ATP8B3: variants seen among roughly 807,000 people sequenced by gnomAD.
The protein encoded by ATP8B3 is ATPase phospholipid transporting 8B3.
ATP8B3 carries 141 observed loss-of-function variants against 140.9 expected under a neutral mutation model. That is an observed-to-expected ratio of 1.00 (90% confidence interval 0.87 to 1.15). ATP8B3 has a LOEUF of 1.15. Ranked by LOEUF, ATP8B3 falls within the 50% of genes most tolerant of loss-of-function variation. The probability of loss-of-function intolerance (pLI) is 0.00; values close to 1 mark genes in which losing one functional copy is unlikely to be tolerated. For synonymous variants in ATP8B3, 765 were observed against 714.6 expected, an observed-to-expected ratio of 1.07 and a Z score of -1.13; for missense variants, 1,874 against 1,740.6, an observed-to-expected ratio of 1.08 and a Z score of -1.36.
Position 1,806,959 on chromosome 19 carries a change from C to G in ATP8B3, c.615+209G>C, listed in dbSNP as rs1249872116. 3.3e-5 allele frequency among the ~76,000 whole-genome samples: 5 copies of G among 152,162 alleles called. No homozygotes were observed. In the South Asian group the frequency reaches 1.0e-3, roughly 31 times the overall value. ...AGCTCAATGGCCCCAAAACCACGCA[C>G]CGACAGAGCCAACGCCACCTGCGGC... is the stretch of plus-strand genomic sequence containing the variant. On this transcript the variant is annotated intron_variant, in intron 6 of 28. Transcript: ENST00000310127. This position sits in a 1 kb window ranked among gnomAD's most constrained non-coding sequence, Gnocchi z 5.6.
At chr19:1,784,275 G>C (rs1439325632) in intron 28 of ATP8B3, among the ~76,000 whole-genome samples, 2 of 152,142 alleles carry the variant, frequency 1.3e-5, no homozygotes, top group Non-Finnish European at 2.9e-5. Flanking sequence ...AACATGTTAT[G>C]AGGCCAAGGC....
intron 28 of ATP8B3, among the ~76,000 whole-genome samples, chr19:1,783,798 C>T (rs769033815): frequency 6.6e-6 from 1 of 152,196 alleles, no homozygotes; most frequent in Admixed American, 6.5e-5. Context: ...CTGCAACTTG[C>T]TTTTCCATGC....
At chr19:1,809,755 G>T in intron 3 of ATP8B3, 21 bp from the exon 4 acceptor site, 1 of 1,588,852 alleles carries the variant, frequency 6.3e-7, no homozygotes, top group Non-Finnish European at 8.6e-7. Flanking sequence ...AGAGCCGGGC[G>T]TCGCTGGAGC....
Position 1,783,139 on chromosome 19 carries a change from G to A in ATP8B3, c.3792C>T (p.Ile1264=), listed in dbSNP as rs2068205200. ...CCCTCCGCAGAATTGTGCCCTGAGT[G>A]ATGAGGTTTGCATATCCCTCACGGT... The part of the protein sequence containing the change: ...FSHREGYANL[I]TQGTILRRGP... The change falls in exon 29 of 29, where the codon ATC becomes ATT. Residue 1264 remains isoleucine, a synonymous_variant. Transcript: ENST00000310127. 2 of 1,613,754 alleles carry A rather than the reference G, an allele frequency of 1.2e-6. No homozygotes were observed. Among genetic ancestry groups the A allele is most frequent in the Non-Finnish European group, 8.5e-7 (1 of 1,179,828 alleles).
chr19:1,789,859 G>C lies in ATP8B3; in HGVS notation c.2478+31C>G, dbSNP rs776153876. ...CCTCCAGGCCCCTCCCTGGCGCCGG[G>C]ACCCCGCCGTCCACCCTGAGCGACA... On this transcript the variant is annotated intron_variant, in intron 22 of 28. Transcript: ENST00000310127. 3.1e-6 allele frequency: 5 copies of C among 1,607,398 alleles called. No homozygotes were observed. In the Admixed American group the frequency reaches 8.4e-5, roughly 27 times the overall value.
At chr19:1,811,100 C>A (rs1474276362) in intron 2 of ATP8B3, among the ~76,000 whole-genome samples, 1 of 152,220 alleles carries the variant, frequency 6.6e-6, no homozygotes, top group African/African-American at 2.4e-5. Flanking sequence ...CTGCCCCTCT[C>A]CCCATGTGGC....
At chr19:1,802,407 A>ATC in intron 11 of ATP8B3, 80 bp downstream of exon 11, 9 of 318,098 alleles carry the variant, frequency 2.8e-5, no homozygotes, top group Admixed American at 4.3e-5. Context: ...CCACCCACCT[A>ATC]CCCACCCACC....
Position 1,806,145 on chromosome 19 carries a change from A to C in ATP8B3, c.702T>G (p.Asp234Glu). Residue 234 changes from aspartate to glutamate, a missense_variant, in exon 8 of 29, where the codon GAT becomes GAG. Asp to Glu is a conservative substitution (Grantham distance 45). Coordinates refer to ENST00000310127, the MANE Select transcript of ATP8B3 (RefSeq NM_138813.4). This position sits in a 1 kb window ranked among gnomAD's most constrained non-coding sequence, Gnocchi z 5.6. ...GKSFKQKKWQ[D>E]LCVGDVVCLR... ...GACAGACCACATCCCCCACGCACAG[A>C]TCCTGCCATTTCTTCTGCTTGAAGC... 1.3e-6 allele frequency: 2 copies of C among 1,598,798 alleles called. No individual in the cohort carries two copies. The highest frequency in any genetic ancestry group is 2.7e-5 in the African/African-American group (2 of 74,016).
Position 1,806,197 on chromosome 19 carries a change from G to T in ATP8B3, c.678-28C>A. The T allele has an allele frequency of 1.3e-6, 2 of 1,564,980 alleles. No homozygotes were observed. The highest frequency in any genetic ancestry group is 4.8e-5 in the East Asian group (2 of 41,974). ...GCGGGGAGAGGGGGTTGTGAAGGAG[G>T]CCCCTCCCTCTGCCAACCCTCCCCA... On this transcript the variant is annotated intron_variant, in intron 7 of 28. Coordinates refer to ENST00000310127, the MANE Select transcript of ATP8B3 (RefSeq NM_138813.4). This position sits in a 1 kb window ranked among gnomAD's most constrained non-coding sequence, Gnocchi z 5.6.
At chr19:1,797,468 TTTTATTTATTTATTTATTTATTTA>T (rs5826746) in intron 14 of ATP8B3, among the ~76,000 whole-genome samples, 26 of 142,536 alleles carry the variant, frequency 1.8e-4, no homozygotes, top group African/African-American at 5.4e-4. Flanking sequence ...TCTTTTTTAT[TTTTATTTATTTATTTATTTATTTA>T]TTTATTTATT....
chr19:1,792,558 C>T (rs566449627), intron 18 of ATP8B3, among the ~76,000 whole-genome samples: 223 of 121,806 alleles, frequency 1.8e-3, no homozygotes, highest in African/African-American at 6.3e-3. Context: ...CCAGCCTGGG[C>T]GACAAAGTGA....
In ATP8B3 at chr19:1,805,667, A is replaced by T. The variant is rs1308978294; in HGVS notation, c.822-211T>A. Among the ~76,000 whole-genome samples, 1 of 150,038 alleles carries T rather than the reference A, an allele frequency of 6.7e-6. No individual in the cohort carries two copies. Among genetic ancestry groups the T allele is most frequent in the East Asian group, 1.9e-4 (1 of 5,198 alleles). ...GTGCTGAGGCCAGGGCCTAGGGCCT[A>T]GGGCCTCCTGCCCGTATGCACACAA... On this transcript the variant is annotated intron_variant, in intron 9 of 28. Coordinates refer to ENST00000310127, the MANE Select transcript of ATP8B3 (RefSeq NM_138813.4). This position sits in a 1 kb window ranked among gnomAD's most constrained non-coding sequence, Gnocchi z 5.2.
rs906021653 is a variant in ATP8B3, at chr19:1,807,417, C to A, written c.517-151G>T. On this transcript the variant is annotated intron_variant, in intron 5 of 28. Transcript: ENST00000310127. This position sits in a 1 kb window ranked among gnomAD's most constrained non-coding sequence, Gnocchi z 5.9. ...TCCAGCCATCTCCTGCAACCCCCAG[C>A]CCTCGGGACAAACGCCCCGGCATCC... Among the ~76,000 whole-genome samples, 4 of 152,094 alleles carry A rather than the reference C, an allele frequency of 2.6e-5. No individual in the cohort carries two copies. The highest frequency in any genetic ancestry group is 5.9e-5 in the Non-Finnish European group (4 of 68,002).
chr19:1,806,051 T>A lies in ATP8B3; in HGVS notation c.750+46A>T. The A allele has an allele frequency of 6.2e-7, 1 of 1,603,858 alleles. No individual in the cohort carries two copies. Among genetic ancestry groups the A allele is most frequent in the African/African-American group, 1.3e-5 (1 of 74,532 alleles). On this transcript the variant is annotated intron_variant, in intron 8 of 28. Coordinates refer to ENST00000310127, the MANE Select transcript of ATP8B3 (RefSeq NM_138813.4). This position sits in a 1 kb window ranked among gnomAD's most constrained non-coding sequence, Gnocchi z 5.6. ...CCCACCCTGGGAGGGGTGCTCTCGG[T>A]GAGGGGGCGCGTGGTTCTGGGACCT...
Position 1,811,559 on chromosome 19 carries a change from T to C in ATP8B3, c.178A>G (p.Arg60Gly), listed in dbSNP as rs2069188822. 2 of 1,612,302 alleles carry C rather than the reference T, an allele frequency of 1.2e-6. No individual in the cohort carries two copies. Among genetic ancestry groups the C allele is most frequent in the Non-Finnish European group, 1.7e-6 (2 of 1,179,808 alleles). ...IRAGMGDSPG[R>G]GAPERRHKAQ... is the part of the protein sequence containing the mutation. ...TTGTGCCTCCTCTCAGGTGCCCCTC[T>C]GCCTGGGGAGTCTCCCATCCCAGCT... Residue 60 changes from arginine to glycine, a missense_variant, in exon 2 of 29, where the codon AGA becomes GGA. By Grantham distance (125) the Arg-to-Gly change is moderately radical. Transcript: ENST00000310127.
In ATP8B3 at chr19:1,795,984, C is replaced by T. The variant is rs764158215; in HGVS notation, c.1946G>A (p.Arg649Gln). The change falls in exon 18 of 29, where the codon CGA (arginine) becomes CAA (glutamine). Residue 649 changes from arginine to glutamine, a missense_variant. Physicochemically the swap from Arg to Gln is conservative, Grantham distance 43. Transcript: ENST00000310127. The part of the protein sequence containing the change: ...STRKRMSVLV[R>Q]KPEGAICLYT... ...CAGGCAGATGGCGCCCTCTGGCTTT[C>T]GAACTGTGGGGGAACAGGCCCTGCT... The T allele has an allele frequency of 1.5e-5, 24 of 1,613,042 alleles. No individual in the cohort carries two copies. The highest frequency in any genetic ancestry group is 1.3e-4 in the Admixed American group (8 of 59,990).
In ATP8B3 at chr19:1,795,856, C is replaced by T. The variant is rs777978977; in HGVS notation, c.2055+19G>A. 14 of 1,517,418 alleles carry T rather than the reference C, an allele frequency of 9.2e-6. No individual in the cohort carries two copies. Among genetic ancestry groups the T allele is most frequent in the Middle Eastern group, 1.7e-4 (1 of 5,772 alleles). 94.0% of individuals were successfully genotyped at this position (1,517,418 alleles called of 1,614,324 possible). A position where few individuals can be genotyped will look rare whatever the true frequency, so the allele number is the denominator to read the frequency against. On this transcript the variant is annotated intron_variant, in intron 18 of 28. Coordinates refer to ENST00000310127, the MANE Select transcript of ATP8B3 (RefSeq NM_138813.4). ...ACACACACACACACACATAAGCCAGCCTTCCTGAAGGGACTCACAGCCAAG... is the reference window on the plus strand; with the variant it reads ...ACACACACACACACACATAAGCCAGTCTTCCTGAAGGGACTCACAGCCAAG...
In ATP8B3 at chr19:1,808,342, C is replaced by G. The variant is rs377559270; in HGVS notation, c.403-7G>C. ...CCGTGCGGATGACATTGGTCTGGAA[C>G]GAGAGCCGCGGGCTGCCTGGCAGAG... On this transcript the variant is annotated splice_polypyrimidine_tract_variant and splice_region_variant and intron_variant, in intron 4 of 28. Transcript: ENST00000310127. 518 of 1,606,242 alleles carry G rather than the reference C, an allele frequency of 3.2e-4. No homozygotes were observed. The highest frequency in any genetic ancestry group is 4.1e-4 in the Non-Finnish European group (485 of 1,175,268).
Position 1,812,156 on chromosome 19 carries a change from C to A in ATP8B3, c.-149+30G>T, listed in dbSNP as rs370037355. On this transcript the variant is annotated intron_variant, in intron 1 of 28. Coordinates refer to ENST00000310127, the MANE Select transcript of ATP8B3 (RefSeq NM_138813.4). ...GAGAGGGTGCGCGGGCTCCCGGGGA[C>A]GCACAGCAGTGGGAGCACCCGCCGC... 1.0e-3 allele frequency: 168 copies of A among 166,232 alleles called. 3 individuals carry two copies. The South Asian group carries it at 0.03, about 30-fold the overall frequency. The allele number at this position is 166,232 out of a possible 1,614,324, so 10.3% of individuals were successfully genotyped here. A position where few individuals can be genotyped will look rare whatever the true frequency, so the allele number is the denominator to read the frequency against.
Sources: allele counts gnomAD v4.1 joint callset (sites outside exome capture counted in the v4.1 genomes callset), GRCh38; gene constraint gnomAD v4.1.1; non-coding constraint Gnocchi (gnomAD v3.1); transcripts MANE v1.5; gene names NCBI Gene and HGNC (gene_info 2026-07-23, HGNC 2026-07-21).